CPEB3: variants seen among roughly 807,000 people sequenced by gnomAD.
CPEB3 encodes the protein cytoplasmic polyadenylation element-binding protein 3.
CPEB3 carries 20 observed loss-of-function variants against 67.2 expected under a neutral mutation model. The observed-to-expected ratio is 0.30, with a 90% CI of 0.21 to 0.43. The LOEUF (loss-of-function observed/expected upper bound fraction) is 0.43, where lower values mean the gene tolerates loss of function less well. CPEB3 is among the 20% of genes least tolerant of loss of function. CPEB3 has a pLI of 1.00. For synonymous variants in CPEB3, 376 were observed against 393.1 expected (o/e 0.96, Z 0.51); for missense variants, 746 against 968.6 (o/e 0.77, Z 3.05).
intron 1 of CPEB3, among the ~76,000 whole-genome samples, chr10:92,289,935 G>T (rs898770922): frequency 1.6e-5 from 2 of 126,322 alleles, no homozygotes; most frequent in Non-Finnish European, 3.2e-5. Flanking sequence ...TGGTGGGGGG[G>T]GGTGGGTGCT....
chr10:92,208,390 C>G (rs1247488537), intron 2 of CPEB3, among the ~76,000 whole-genome samples: 1 of 152,070 alleles, frequency 6.6e-6, no homozygotes, highest in South Asian at 2.1e-4. Context: ...AAGGGTTTAC[C>G]AAGCTACATC....
chr10:92,250,871 T>G (rs1852268661), intron 1 of CPEB3, among the ~76,000 whole-genome samples: 1 of 145,866 alleles, frequency 6.9e-6, no homozygotes, highest in Admixed American at 6.9e-5. Context: ...TTTTTTTTTT[T>G]TTTTTTTTTT....
intron 2 of CPEB3, chr10:92,216,569 G>C: frequency 6.2e-7 from 1 of 1,612,138 alleles, no homozygotes; most frequent in Non-Finnish European, 8.5e-7. Flanking sequence ...AGGGATCATG[G>C]TTTTGGCAGG....
At chr10:92,191,807 A>C (rs1299543416) in intron 3 of CPEB3, among the ~76,000 whole-genome samples, 3 of 152,268 alleles carry the variant, frequency 2.0e-5, no homozygotes, top group Admixed American at 6.5e-5. Context: ...TATAACCCAT[A>C]AAAAGAACTA....
intron 3 of CPEB3, among the ~76,000 whole-genome samples, chr10:92,189,833 TG>T (rs1848877862): frequency 1.6e-4 from 1 of 6,360 alleles, no homozygotes; most frequent in African/African-American, 1.1e-3. Context: ...CTGCCTCCAG[TG>T]ATTTTTTTTT....
intron 4 of CPEB3, among the ~76,000 whole-genome samples, chr10:92,178,836 C>T (rs979317301): frequency 8.5e-5 from 13 of 152,092 alleles, no homozygotes; most frequent in Admixed American, 6.5e-4. Context: ...TCGAAGCTGG[C>T]AGGTCCCACA....
chr10:92,245,868 C>G (rs1271669237), intron 1 of CPEB3, among the ~76,000 whole-genome samples: 1 of 151,902 alleles, frequency 6.6e-6, no homozygotes, highest in Non-Finnish European at 1.5e-5. Context: ...GAAACCTCGT[C>G]TCTACTAAAA....
intron 8 of CPEB3, among the ~76,000 whole-genome samples, chr10:92,089,847 C>A (rs1345632639): frequency 6.6e-6 from 1 of 151,994 alleles, no homozygotes; most frequent in Non-Finnish European, 1.5e-5. Flanking sequence ...AACACAAAAT[C>A]CCATTTCTTA....
chr10:92,186,376 C>T (rs9663787), intron 3 of CPEB3, among the ~76,000 whole-genome samples: 16,137 of 151,476 alleles, frequency 0.11, 2,854 homozygotes, highest in African/African-American at 0.37. Flanking sequence ...GGTTACACAG[C>T]GAGACCCTGT....
At chr10:92,234,567 C>T (rs994581717) in intron 2 of CPEB3, among the ~76,000 whole-genome samples, 9 of 152,168 alleles carry the variant, frequency 5.9e-5, no homozygotes, top group Non-Finnish European at 1.2e-4. Flanking sequence ...GGCAACTTTG[C>T]CAATTACTGG....
At chr10:92,088,965 C>A (rs1004341046) in intron 8 of CPEB3, among the ~76,000 whole-genome samples, 1 of 152,146 alleles carries the variant, frequency 6.6e-6, no homozygotes, top group African/African-American at 2.4e-5. Context: ...ATTCTATAAA[C>A]ACATTTGTTT....
intron 7 of CPEB3, among the ~76,000 whole-genome samples, chr10:92,092,743 G>A (rs1405788364): frequency 6.6e-6 from 1 of 151,778 alleles, no homozygotes. Flanking sequence ...TCACGCCACT[G>A]CACTGCAGCC....
intron 4 of CPEB3, among the ~76,000 whole-genome samples, chr10:92,171,763 C>T (rs1417378818): frequency 6.6e-6 from 1 of 152,018 alleles, no homozygotes; most frequent in Non-Finnish European, 1.5e-5. Context: ...TACAGGAATG[C>T]ACCACCATGC....
intron 9 of CPEB3, among the ~76,000 whole-genome samples, chr10:92,075,123 C>T (rs1779991270): frequency 6.6e-6 from 1 of 152,152 alleles, no homozygotes; most frequent in Admixed American, 6.5e-5. Context: ...CGTGGCTGGA[C>T]ATGCCACAGC....
At chr10:92,120,144 C>T (rs1845284419) in intron 6 of CPEB3, among the ~76,000 whole-genome samples, 1 of 143,336 alleles carries the variant, frequency 7.0e-6, no homozygotes, top group Non-Finnish European at 1.5e-5. Context: ...GGTGCGGTGG[C>T]TCACACCTGT....
intron 1 of CPEB3, among the ~76,000 whole-genome samples, chr10:92,282,163 A>C (rs1842323278): frequency 6.6e-6 from 1 of 152,214 alleles, no homozygotes; most frequent in South Asian, 2.1e-4. Context: ...AAAGAGAGGA[A>C]TGTAAGCAAG....
chr10:92,154,598 ACATT>A (rs1734886966), intron 4 of CPEB3, among the ~76,000 whole-genome samples: 1 of 152,184 alleles, frequency 6.6e-6, no homozygotes, highest in Admixed American at 6.5e-5. Flanking sequence ...TGTTTCAAAA[ACATT>A]CATTAAGGCA....
intron 6 of CPEB3, among the ~76,000 whole-genome samples, chr10:92,136,675 C>G (rs566096969): frequency 6.6e-6 from 1 of 152,212 alleles, no homozygotes; most frequent in East Asian, 1.9e-4. Context: ...ATTCTCCTGC[C>G]TCAGCCTCCT....
At chr10:92,207,354 T>C (rs999019479) in intron 2 of CPEB3, among the ~76,000 whole-genome samples, 29 of 152,156 alleles carry the variant, frequency 1.9e-4, no homozygotes, top group African/African-American at 7.0e-4. Context: ...GGTAAGACAA[T>C]AGGAGAAATG....
Sources: allele counts gnomAD v4.1 joint callset (sites outside exome capture counted in the v4.1 genomes callset), GRCh38; gene constraint gnomAD v4.1.1; transcripts MANE v1.5; gene names NCBI Gene and HGNC (gene_info 2026-07-23, HGNC 2026-07-21).